Variants in TONSL observed in about 807,000 individuals in gnomAD.
The protein encoded by TONSL is tonsoku-like protein.
A neutral mutation model predicts 147.1 loss-of-function variants in TONSL; 112 were observed. The ratio of observed to expected loss-of-function variants is 0.76; its 90% CI spans 0.65 to 0.89. The LOEUF (loss-of-function observed/expected upper bound fraction) is 0.89. Ranked by LOEUF, TONSL falls within the 40% of genes least tolerant of loss-of-function variation. The pLI is 0.00. For missense variants in TONSL, 1,883 were observed against 1,864.6 expected, an observed-to-expected ratio of 1.01 and a Z score of -0.18; for synonymous variants, 868 against 801.5, an observed-to-expected ratio of 1.08 and a Z score of -1.40.
rs780257968 is a variant in TONSL at position 144,435,017 on chromosome 8, C to T, written c.3006G>A (p.Glu1002=). 2 of 1,612,506 alleles carry T rather than the reference C, an allele frequency of 1.2e-6. No individual in the cohort carries two copies. The highest frequency in any genetic ancestry group is 4.5e-5 in the East Asian group (2 of 44,858). The change falls in exon 19 of 26, where the codon GAG becomes GAA. Residue 1002 remains glutamate, a splice_region_variant and synonymous_variant. Coordinates refer to ENST00000409379, the MANE Select transcript of TONSL (RefSeq NM_013432.5). ...LIPDVLQSND[E]VLAEVTSWDL... Reference sequence around the variant, plus strand: ...GCTCCCCCTCCGCTCTGCGGCTCACCTCGTCATTGCTCTGCAGCACATCAG... The same window carrying T: ...GCTCCCCCTCCGCTCTGCGGCTCACTTCGTCATTGCTCTGCAGCACATCAG...
Position 144,440,014 on chromosome 8 carries a change from C to T in TONSL, c.1480+7G>A. The T allele has an allele frequency of 9.2e-7, 1 of 1,083,992 alleles. No individual in the cohort carries two copies. Among genetic ancestry groups the T allele is most frequent in the Non-Finnish European group, 1.4e-6 (1 of 698,754 alleles). 67.1% of individuals were successfully genotyped at this position (1,083,992 alleles called of 1,614,324 possible). ...CCAGGGAAATGCAAGGTGCCGCTGG[C>T]CCTCACCGCCCTCTGAGAGCTCCAC... On this transcript the variant is annotated splice_region_variant and intron_variant, in intron 11 of 25. Transcript: ENST00000409379.
intron 7 of TONSL, chr8:144,441,592 A>C: frequency 5.2e-6 from 1 of 190,786 alleles, no homozygotes; most frequent in Non-Finnish European, 1.1e-5. Context: ...ACTCCGTCTC[A>C]AGAAAAAAAA....
At chr8:144,444,156 C>T (rs1352378581) in intron 2 of TONSL, 24 bp downstream of exon 2, 7 of 1,411,646 alleles carry the variant, frequency 5.0e-6, no homozygotes, top group African/African-American at 1.5e-5. Context: ...GCCCTGCCTC[C>T]CGCCTCCTGG....
Position 144,442,349 on chromosome 8 carries a change from G to A in TONSL, c.642C>T (p.Arg214=), listed in dbSNP as rs765218083. Residue 214 remains arginine (R), a synonymous_variant, in exon 6 of 26, where the codon CGC becomes CGT. Coordinates refer to ENST00000409379, the MANE Select transcript of TONSL (RefSeq NM_013432.5). ...ARYNLGTIHW[R]AGQHSQAMRC... is the part of the protein sequence containing the mutation. Reference sequence around the variant, plus strand: ...GCATAGCCTGGGAGTGCTGGCCCGCGCGCCAGTGGATGGTGCCCAGGTTGT... The same window carrying A: ...GCATAGCCTGGGAGTGCTGGCCCGCACGCCAGTGGATGGTGCCCAGGTTGT... 1.0e-4 allele frequency: 160 copies of A among 1,591,376 alleles called. No homozygotes were observed. Among genetic ancestry groups the A allele is most frequent in the Non-Finnish European group, 1.3e-4 (149 of 1,165,112 alleles).
intron 6 of TONSL, 25 bp from the exon 7 acceptor site, chr8:144,442,176 T>A: frequency 1.2e-6 from 2 of 1,601,266 alleles, no homozygotes; most frequent in Non-Finnish European, 1.7e-6. Context: ...ACAGCAAAGG[T>A]TTTGCAGAAT....
At chr8:144,432,613 C>T (rs898720953) in intron 22 of TONSL, 153 bp from the exon 23 acceptor site, 7 of 708,850 alleles carry the variant, frequency 9.9e-6, no homozygotes, top group African/African-American at 7.5e-5. Flanking sequence ...AGGCTCTCGC[C>T]CAGATTCTCC....
chr8:144,443,412 GAA>G (rs1203785264), intron 3 of TONSL, 91 bp from the exon 4 acceptor site: 3 of 1,298,922 alleles, frequency 2.3e-6, no homozygotes, highest in Non-Finnish European at 3.2e-6. Flanking sequence ...TCTTGCTAAG[GAA>G]AGAGCCTGCT....
At position 144,444,190 on chromosome 8, in the gene TONSL, C is replaced by A; in HGVS notation, c.111G>T (p.Leu37=). 1 of 1,452,066 alleles carries A rather than the reference C, an allele frequency of 6.9e-7. No homozygotes were observed. Among genetic ancestry groups the A allele is most frequent in the Non-Finnish European group, 9.0e-7 (1 of 1,105,604 alleles). 89.9% of individuals were successfully genotyped at this position (1,452,066 alleles called of 1,614,324 possible). A position where few individuals can be genotyped will look rare whatever the true frequency, so the allele number is the denominator to read the frequency against. ...GGTCCCGGCGCTCACCATGGCCGGC[C>A]AGGAGCTCCCCCAGCTGGTGGCACA... ...AALCHQLGEL[L]AGHGRYAEAL... The change falls in exon 2 of 26, where the codon CTG becomes CTT. Residue 37 remains leucine (L), a synonymous_variant. Coordinates refer to ENST00000409379, the MANE Select transcript of TONSL (RefSeq NM_013432.5).
chr8:144,436,580 G>A lies in TONSL; in HGVS notation c.1992C>T (p.Leu664=), dbSNP rs1396564498. Residue 664 remains leucine (L), a synonymous_variant, in exon 16 of 26, where the codon CTC becomes CTT. Transcript: ENST00000409379. ...TGCCTTGGCCCGAGGCAGCCGCCTG[G>A]AGCAGCATCTCCATGGCCCTGGCCT... is the stretch of plus-strand genomic sequence containing the variant. ...RQKARAMEML[L]QAAASGQDPH... The A allele has an allele frequency of 4.3e-6, 7 of 1,611,140 alleles. No homozygotes were observed. The East Asian group carries it at 1.6e-4, about 36-fold the overall frequency.
Position 144,436,933 on chromosome 8 carries a change from A to C in TONSL, c.1727-13T>G. The C allele has an allele frequency of 6.2e-7, 1 of 1,609,614 alleles. No individual in the cohort carries two copies. The highest frequency in any genetic ancestry group is 8.5e-7 in the Non-Finnish European group (1 of 1,178,796). Reference sequence around the variant, plus strand: ...AAGCGGACAATTTCTGCAGACCAGGAGACGTAAGCCCAGCTCCCGATGCCC... The same window carrying C: ...AAGCGGACAATTTCTGCAGACCAGGCGACGTAAGCCCAGCTCCCGATGCCC... On this transcript the variant is annotated splice_polypyrimidine_tract_variant and intron_variant, in intron 14 of 25. Transcript: ENST00000409379.
chr8:144,435,819 G>T lies in TONSL; in HGVS notation c.2614C>A (p.Pro872Thr). The change falls in exon 17 of 26, where the codon CCC (proline) becomes ACC (threonine). Residue 872 changes from proline (P) to threonine (T), a missense_variant. Coordinates refer to ENST00000409379, the MANE Select transcript of TONSL (RefSeq NM_013432.5). ...TSGSDSEESR[P>T]RARAKQVRLT... ...CGGACCTGCTTGGCTCGGGCACGGG[G>T]CCTGCTCTCCTCACTGTCCGACCCA... The T allele has an allele frequency of 1.9e-6, 3 of 1,612,606 alleles. No individual in the cohort carries two copies. Among genetic ancestry groups the T allele is most frequent in the Non-Finnish European group, 2.5e-6 (3 of 1,179,798 alleles).
chr8:144,429,197 G>T lies in TONSL; in HGVS notation c.4083C>A (p.Gly1361=). 1 of 1,534,786 alleles carries T rather than the reference G, an allele frequency of 6.5e-7. No homozygotes were observed. Among genetic ancestry groups the T allele is most frequent in the Non-Finnish European group, 8.7e-7 (1 of 1,144,894 alleles). ...ALRQLQPSRP[G]PGECTLDHGS... is the part of the protein sequence containing the mutation. ...CGTGGTCCAGCGTGCACTCGCCGGG[G>T]CCCGGCCGACTGGGCTGCAGCTGGC... Residue 1361 remains glycine (G), a synonymous_variant, in exon 26 of 26, where the codon GGC becomes GGA. Coordinates refer to ENST00000409379, the MANE Select transcript of TONSL (RefSeq NM_013432.5).
rs775551492 is a variant in TONSL at position 144,440,021 on chromosome 8, C to T, written c.1480G>A (p.Glu494Lys). Residue 494 changes from glutamate (E) to lysine (K), a missense_variant and splice_region_variant, in exon 11 of 26, where the codon GAG becomes AAG. Glu to Lys is a moderately conservative substitution (Grantham distance 56, BLOSUM62 1). Coordinates refer to ENST00000409379, the MANE Select transcript of TONSL (RefSeq NM_013432.5). ...AATGCAAGGTGCCGCTGGCCCTCAC[C>T]GCCCTCTGAGAGCTCCACCTCGCCG... Reference protein sequence around the residue: ...EAGEVELSEGEDDTDGLTPQL... With the variant: ...EAGEVELSEGKDDTDGLTPQL... 8 of 1,186,130 alleles carry T rather than the reference C, an allele frequency of 6.7e-6. No individual in the cohort carries two copies. The highest frequency in any genetic ancestry group is 1.5e-5 in the African/African-American group (1 of 66,634). 73.5% of individuals were successfully genotyped at this position (1,186,130 alleles called of 1,614,324 possible). A position where few individuals can be genotyped will look rare whatever the true frequency, so the allele number is the denominator to read the frequency against.
rs185702712 is a variant in TONSL, at chr8:144,436,543, G to A, written c.2014+15C>T. The A allele has an allele frequency of 6.2e-7, 1 of 1,607,748 alleles. No homozygotes were observed. The highest frequency in any genetic ancestry group is 1.1e-5 in the South Asian group (1 of 90,968). ...TAGGCACAGCAACCCCAGGGACAAG[G>A]GACGCCCTGCTTGCCTTGGCCCGAG... On this transcript the variant is annotated intron_variant, in intron 16 of 25. Transcript: ENST00000409379.
rs150533498 is a variant in TONSL, at chr8:144,440,132, G to T, written c.1369C>A (p.Arg457=). ...QEAPETETRL[R]ELSVAEDEDE... ...TCATCTTCAGCTACACTGAGCTCCCGTAGTCTGGTTTCGGTCTCAGGGGCC... is the reference window on the plus strand; with the variant it reads ...TCATCTTCAGCTACACTGAGCTCCCTTAGTCTGGTTTCGGTCTCAGGGGCC... Residue 457 remains arginine (R), a synonymous_variant, in exon 11 of 26, where the codon CGG becomes AGG. Coordinates refer to ENST00000409379, the MANE Select transcript of TONSL (RefSeq NM_013432.5). 9.3e-6 allele frequency: 15 copies of T among 1,611,902 alleles called. No individual in the cohort carries two copies. The African/African-American group carries it at 2.0e-4, about 22-fold the overall frequency.
At position 144,429,300 on chromosome 8, in the gene TONSL, C is replaced by T. The variant is rs1554878090; in HGVS notation, c.3980G>A (p.Trp1327Ter). Reference sequence around the variant, plus strand: ...CCGGAGCTGCGCGGCTATCTTGTCCCACAGGCCCAGGCCCAGGGGACCCTG... The same window carrying T: ...CCGGAGCTGCGCGGCTATCTTGTCCTACAGGCCCAGGCCCAGGGGACCCTG... ...AVQGPLGLGL[W>*]DKIAAQLREL... Residue 1327 changes from tryptophan (W) to a stop codon, truncating the protein, a stop_gained, in exon 26 of 26, where the codon TGG becomes TAG. Transcript: ENST00000409379. LOFTEE classifies it low-confidence loss of function (END_TRUNC). 1.3e-6 allele frequency: 2 copies of T among 1,502,864 alleles called. No homozygotes were observed. The highest frequency in any genetic ancestry group is 1.4e-5 in the African/African-American group (1 of 70,752). 93.1% of individuals were successfully genotyped at this position (1,502,864 alleles called of 1,614,324 possible).
intron 3 of TONSL, 74 bp downstream of exon 3, chr8:144,443,808 G>T: frequency 6.6e-7 from 1 of 1,522,548 alleles, no homozygotes; most frequent in South Asian, 1.2e-5. Flanking sequence ...TGACGGCGAA[G>T]ACCAGGCCTC....
chr8:144,438,397 G>T, intron 13 of TONSL, 74 bp downstream of exon 13: 2 of 1,506,608 alleles, frequency 1.3e-6, no homozygotes, highest in East Asian at 2.3e-5. Context: ...GAGTTACAGA[G>T]ATAGGGGATC....
Position 144,443,169 on chromosome 8 carries a change from C to T in TONSL, c.417G>A (p.Lys139=), listed in dbSNP as rs1047570966. 1 of 1,550,728 alleles carries T rather than the reference C, an allele frequency of 6.4e-7. No homozygotes were observed. Among genetic ancestry groups the T allele is most frequent in the African/African-American group, 1.4e-5 (1 of 73,190 alleles). ...GCTCCTCATCCACAATAGCCAAGCT[C>T]TTCTCAAAGGCAGCCTGTGCCTGCA... ...ALLQAQAAFE[K]SLAIVDEELE... The change falls in exon 4 of 26, where the codon AAG becomes AAA. Residue 139 remains lysine (K), a synonymous_variant. Coordinates refer to ENST00000409379, the MANE Select transcript of TONSL (RefSeq NM_013432.5).
Sources: gnomAD v4.1 joint callset for allele counts on GRCh38, gnomAD v4.1.1 for gene constraint, MANE v1.5 for transcripts, NCBI Gene and HGNC (gene_info 2026-07-23, HGNC 2026-07-21) for gene names.